NRXN3: variants seen among roughly 807,000 people sequenced by gnomAD.
NRXN3 encodes neurexin 3, also known as neurexin III.
A neutral mutation model predicts 137.6 loss-of-function variants in NRXN3; 32 were observed. That is an observed-to-expected ratio of 0.23 (90% CI 0.18 to 0.31). The LOEUF (loss-of-function observed/expected upper bound fraction) is 0.31, where lower values mean the gene tolerates loss of function less well. Among genes scored for constraint, NRXN3 ranks in the 10% least tolerant of loss-of-function variants. The probability of loss-of-function intolerance (pLI) is 1.00; values close to 1 mark genes in which losing one functional copy is unlikely to be tolerated. For missense variants in NRXN3, 1,574 were observed against 2,062.5 expected, an observed-to-expected ratio of 0.76 and a Z score of 4.59; for synonymous variants, 798 against 784.5, an observed-to-expected ratio of 1.02 and a Z score of -0.29.
At chr14:78,599,287 C>T (rs2097183976) in intron 4 of NRXN3, among the ~76,000 whole-genome samples, 1 of 152,208 alleles carries the variant, frequency 6.6e-6, no homozygotes, top group African/African-American at 2.4e-5. Context: ...AGCGGCTTTC[C>T]ACCTACAGAC....
At chr14:78,931,692 G>C (rs1202377377) in intron 10 of NRXN3, among the ~76,000 whole-genome samples, 1 of 152,130 alleles carries the variant, frequency 6.6e-6, no homozygotes, top group Non-Finnish European at 1.5e-5. Flanking sequence ...CTTTGCTACA[G>C]ACCATGCCAT....
chr14:79,380,175 A>G (rs1261015265), intron 15 of NRXN3, among the ~76,000 whole-genome samples: 2 of 127,790 alleles, frequency 1.6e-5, no homozygotes, highest in Non-Finnish European at 3.3e-5. Flanking sequence ...TTTGGTAGAT[A>G]TATTTATTTA....
intron 16 of NRXN3, among the ~76,000 whole-genome samples, chr14:79,620,640 C>T (rs2098213830): frequency 6.6e-6 from 1 of 151,996 alleles, no homozygotes; most frequent in African/African-American, 2.4e-5. Context: ...TTTTGTATCT[C>T]AAAGTGGATA....
At chr14:78,380,935 A>G (rs1363986922) in intron 4 of NRXN3, among the ~76,000 whole-genome samples, 1 of 152,204 alleles carries the variant, frequency 6.6e-6, no homozygotes, top group South Asian at 2.1e-4. Context: ...ACAGTAATCA[A>G]GACTGTGTGT....
intron 16 of NRXN3, among the ~76,000 whole-genome samples, chr14:79,475,022 A>T (rs1416573752): frequency 6.6e-6 from 1 of 152,080 alleles, no homozygotes; most frequent in Admixed American, 6.6e-5. Flanking sequence ...GCTTGGTCGT[A>T]TACTCGGGGA....
At chr14:79,724,740 A>G (rs2098871502) in intron 19 of NRXN3, among the ~76,000 whole-genome samples, 1 of 152,176 alleles carries the variant, frequency 6.6e-6, no homozygotes, top group African/African-American at 2.4e-5. Flanking sequence ...TCAGCTACAC[A>G]GTATATGGTA....
intron 4 of NRXN3, among the ~76,000 whole-genome samples, chr14:78,550,723 G>C (rs892423340): frequency 6.6e-6 from 1 of 152,064 alleles, no homozygotes; most frequent in Non-Finnish European, 1.5e-5. Flanking sequence ...CAGGACTTCC[G>C]GGTTTGGAGA....
intron 15 of NRXN3, among the ~76,000 whole-genome samples, chr14:79,249,742 T>G (rs1333158589): frequency 6.6e-6 from 1 of 152,182 alleles, no homozygotes; most frequent in Non-Finnish European, 1.5e-5. Flanking sequence ...AGTCTTATGA[T>G]GTGATCTATA....
intron 15 of NRXN3, among the ~76,000 whole-genome samples, chr14:79,268,988 G>A (rs979243398): frequency 2.0e-5 from 3 of 151,938 alleles, no homozygotes; most frequent in African/African-American, 4.8e-5. Context: ...TACCATTGTT[G>A]TGGTTATTAA....
chr14:78,286,347 A>G (rs934937036), intron 3 of NRXN3, among the ~76,000 whole-genome samples: 1 of 152,186 alleles, frequency 6.6e-6, no homozygotes, highest in Admixed American at 6.5e-5. Context: ...TGATGAGACC[A>G]TTGCGAGACT....
At chr14:78,357,083 T>C (rs762231145) in intron 4 of NRXN3, among the ~76,000 whole-genome samples, 2 of 151,692 alleles carry the variant, frequency 1.3e-5, no homozygotes, top group African/African-American at 4.8e-5. Context: ...AAGACAGGGG[T>C]GTATTAGTCA....
intron 10 of NRXN3, among the ~76,000 whole-genome samples, chr14:78,903,166 T>TTTTTG (rs2099202979): frequency 6.7e-6 from 1 of 150,344 alleles, no homozygotes; most frequent in African/African-American, 2.4e-5. Context: ...TTTTTTTTTC[T>TTTTTG]GAGACAGAGT....
At chr14:79,780,831 C>G (rs2099111434) in intron 19 of NRXN3, among the ~76,000 whole-genome samples, 1 of 152,082 alleles carries the variant, frequency 6.6e-6, no homozygotes, top group Non-Finnish European at 1.5e-5. Context: ...TACTAGACTT[C>G]CATTCAGGAT....
At chr14:79,632,506 C>G (rs1177391963) in intron 16 of NRXN3, 1 of 145,556 alleles carries the variant, frequency 6.9e-6, no homozygotes, top group East Asian at 2.0e-4. Flanking sequence ...GTACCCAGAG[C>G]AGAATGAGAA....
intron 15 of NRXN3, among the ~76,000 whole-genome samples, chr14:79,029,970 C>T (rs1027950414): frequency 2.0e-5 from 3 of 151,886 alleles, no homozygotes; most frequent in African/African-American, 7.3e-5. Flanking sequence ...TCTTAGCCCC[C>T]CCAAGTAGCT....
chr14:78,656,831 C>T (rs1432786063), intron 6 of NRXN3, among the ~76,000 whole-genome samples: 4 of 151,982 alleles, frequency 2.6e-5, no homozygotes, highest in African/African-American at 7.3e-5. Context: ...ATCACGAGGT[C>T]GGGAGATTGA....
chr14:79,802,888 T>C (rs999770787), intron 19 of NRXN3, among the ~76,000 whole-genome samples: 23 of 152,124 alleles, frequency 1.5e-4, no homozygotes, highest in African/African-American at 4.6e-4. Context: ...AAATTCTTTT[T>C]TCGGTGTGGA....
chr14:78,913,485 G>A (rs1341438768), intron 10 of NRXN3, among the ~76,000 whole-genome samples: 1 of 151,400 alleles, frequency 6.6e-6, no homozygotes, highest in Non-Finnish European at 1.5e-5. Context: ...TCACCACGTT[G>A]GCCAGGATGG....
intron 17 of NRXN3, among the ~76,000 whole-genome samples, chr14:79,681,276 T>C (rs1199327698): frequency 6.6e-6 from 1 of 152,138 alleles, no homozygotes; most frequent in Non-Finnish European, 1.5e-5. Context: ...TCATAGGAGA[T>C]AGTGTTTCCT....
Sources: gnomAD v4.1 joint callset for allele counts (sites outside exome capture counted in the v4.1 genomes callset) on GRCh38, gnomAD v4.1.1 for gene constraint, MANE v1.5 for transcripts, NCBI Gene and HGNC (gene_info 2026-07-23, HGNC 2026-07-21) for gene names.